DAAM2: variants seen among roughly 807,000 people sequenced by gnomAD.
The protein encoded by DAAM2 is dishevelled associated activator of morphogenesis 2, also known as disheveled-associated activator of morphogenesis 2.
A neutral mutation model predicts 120.7 loss-of-function variants in DAAM2; 39 were observed. The observed-to-expected ratio is 0.32, with a 90% CI of 0.25 to 0.42. The LOEUF (loss-of-function observed/expected upper bound fraction) is 0.42, where lower values mean the gene tolerates loss of function less well. DAAM2 is among the 10% of genes least tolerant of loss of function. DAAM2 has a pLI of 1.00. For missense variants in DAAM2, 1,283 were observed against 1,401.7 expected, an observed-to-expected ratio of 0.92 and a Z score of 1.35; for synonymous variants, 488 against 524.9, an observed-to-expected ratio of 0.93 and a Z score of 0.96.
chr6:39,868,701 AT>A, intron 6 of DAAM2, 121 bp from the exon 7 acceptor site: 1 of 709,144 alleles, frequency 1.4e-6, no homozygotes. Flanking sequence ...GACAGACCTG[AT>A]TGGGTGGAGA....
At chr6:39,814,630 C>G (rs1402026887) in intron 1 of DAAM2, among the ~76,000 whole-genome samples, 1 of 152,260 alleles carries the variant, frequency 6.6e-6, no homozygotes, top group African/African-American at 2.4e-5. Flanking sequence ...TCCTAGGCAG[C>G]TTCTAGTTCC....
chr6:39,895,418 T>C (rs1284905080), intron 19 of DAAM2, among the ~76,000 whole-genome samples: 1 of 151,988 alleles, frequency 6.6e-6, no homozygotes, highest in Non-Finnish European at 1.5e-5. Context: ...GTATTTTTAG[T>C]AGAGATGGGG....
chr6:39,863,919 A>G (rs964072165), intron 3 of DAAM2, among the ~76,000 whole-genome samples: 8 of 152,170 alleles, frequency 5.3e-5, no homozygotes, highest in Admixed American at 4.6e-4. Flanking sequence ...TAAAGTTACT[A>G]TTTAGTGAGT....
chr6:39,896,827 C>T lies in DAAM2; in HGVS notation c.2357C>T (p.Ser786Phe). The change falls in exon 20 of 25, where the codon TCC becomes TTC. Residue 786 changes from serine to phenylalanine, a missense_variant. Physicochemically the swap from Ser to Phe is radical, Grantham distance 155 (BLOSUM62 -2). Transcript: ENST00000274867. ...CCTCTCCCAGCCATCCTGTTGGCCTCCCGGGAGCTGGTCCGCAGCAAGCGT... is the reference window on the plus strand; with the variant it reads ...CCTCTCCCAGCCATCCTGTTGGCCTTCCGGGAGCTGGTCCGCAGCAAGCGT... The part of the protein sequence containing the change: ...KPKVEAILLA[S>F]RELVRSKRLR... 6.2e-7 allele frequency: 1 copy of T among 1,601,468 alleles called. No homozygotes were observed. Among genetic ancestry groups the T allele is most frequent in the South Asian group, 1.1e-5 (1 of 89,224 alleles).
chr6:39,886,230 T>G (rs1355994871), intron 15 of DAAM2: 1 of 394,738 alleles, frequency 2.5e-6, no homozygotes, highest in Non-Finnish European at 4.5e-6. Context: ...CGTGAGTGCA[T>G]GTCTGCTAGA....
In DAAM2 at chr6:39,864,439, G is replaced by C; in HGVS notation, c.265G>C (p.Glu89Gln). The C allele has an allele frequency of 6.2e-7, 1 of 1,612,920 alleles. No individual in the cohort carries two copies. The highest frequency in any genetic ancestry group is 8.5e-7 in the Non-Finnish European group (1 of 1,179,688). Residue 89 changes from glutamate to glutamine, a missense_variant, in exon 4 of 25, where the codon GAG (glutamate) becomes CAG (glutamine). Glu to Gln is a conservative substitution (Grantham distance 29). Around this residue, in one of 3 missense-constraint regions of DAAM2, gnomAD observed 197 missense variants for 189.3 expected, o/e 1.04. Transcript: ENST00000274867. ...GTCCTTTTTCTTGTTTCAGGAGCAG[G>C]AGGACCCCAACAAGCTGGCAACCAG... is the stretch of plus-strand genomic sequence containing the variant. ...QIYCSKKKEQ[E>Q]DPNKLATSWP...
intron 13 of DAAM2, among the ~76,000 whole-genome samples, 176 bp from the exon 14 acceptor site, chr6:39,879,002 G>A (rs537215870): frequency 1.2e-3 from 189 of 152,190 alleles, no homozygotes; most frequent in African/African-American, 3.6e-3. Flanking sequence ...GTGTGTTTGC[G>A]TGTGTTAGAT....
At chr6:39,896,102 A>G (rs1766069287) in intron 19 of DAAM2, among the ~76,000 whole-genome samples, 1 of 152,226 alleles carries the variant, frequency 6.6e-6, no homozygotes, top group African/African-American at 2.4e-5. Flanking sequence ...GCAATCCCAT[A>G]ATAGGTAAAA....
intron 1 of DAAM2, among the ~76,000 whole-genome samples, chr6:39,796,698 A>C (rs1430941254): frequency 6.6e-6 from 1 of 151,526 alleles, no homozygotes; most frequent in Non-Finnish European, 1.5e-5. Context: ...TCCTGGCCAA[A>C]GAGGAGCTGA....
intron 14 of DAAM2, among the ~76,000 whole-genome samples, chr6:39,883,044 G>A (rs1158120146): frequency 6.6e-6 from 1 of 152,196 alleles, no homozygotes. Flanking sequence ...GGTAGAGGAA[G>A]GCAGAGAGAT....
rs1766529194 is a variant in DAAM2 at position 39,902,096 on chromosome 6, G to C, written c.*59G>C. On this transcript the variant is annotated 3_prime_UTR_variant, in exon 25 of 25. Transcript: ENST00000274867. ...CAGGGACTGGTGAGAATGGGGCTGA[G>C]TGGAGGAGGTGGTGATATTTAAACC... 7.1e-6 allele frequency: 10 copies of C among 1,408,710 alleles called. No individual in the cohort carries two copies. The Admixed American group carries it at 2.0e-4, about 28-fold the overall frequency. 87.3% of individuals were successfully genotyped at this position (1,408,710 alleles called of 1,614,324 possible).
At chr6:39,846,072 G>A (rs975574817) in intron 1 of DAAM2, among the ~76,000 whole-genome samples, 13 of 151,876 alleles carry the variant, frequency 8.6e-5, no homozygotes, top group African/African-American at 1.2e-4. Context: ...CATCCAAGGC[G>A]TTTTAGAAAA....
intron 14 of DAAM2, among the ~76,000 whole-genome samples, chr6:39,882,575 T>C (rs1026801067): frequency 2.0e-5 from 3 of 152,052 alleles, no homozygotes; most frequent in African/African-American, 7.2e-5. Flanking sequence ...TGCACACTGC[T>C]TCAGCCAGCG....
At chr6:39,823,728 C>G (rs975601976) in intron 1 of DAAM2, among the ~76,000 whole-genome samples, 2 of 152,206 alleles carry the variant, frequency 1.3e-5, no homozygotes, top group African/African-American at 4.8e-5. Flanking sequence ...CCTCACCACC[C>G]TGGGGGCATC....
At chr6:39,871,623 G>GAGCGAT in intron 9 of DAAM2, 51 bp downstream of exon 9, 1 of 1,508,084 alleles carries the variant, frequency 6.6e-7, no homozygotes, top group Non-Finnish European at 9.0e-7. Flanking sequence ...AGGGTTCTTG[G>GAGCGAT]TGGCCCCACA....
In DAAM2 at chr6:39,904,383, A is replaced by C. The variant is rs368071871; in HGVS notation, c.*2346A>C. 3.8e-4 allele frequency: 172 copies of C among 456,444 alleles called. No homozygotes were observed. In the East Asian group the frequency reaches 8.7e-3, roughly 23 times the overall value. 28.3% of individuals were successfully genotyped at this position (456,444 alleles called of 1,614,324 possible). ...CCATGGACTCATACTCAACTGAGTA[A>C]GAAGGGGCTGGTGCCCAGTCGGGGT... On this transcript the variant is annotated 3_prime_UTR_variant, in exon 25 of 25. Coordinates refer to ENST00000274867, the MANE Select transcript of DAAM2 (RefSeq NM_001201427.2).
chr6:39,794,358 G>A (rs1025685990), intron 1 of DAAM2, among the ~76,000 whole-genome samples: 3 of 152,156 alleles, frequency 2.0e-5, no homozygotes, highest in East Asian at 3.9e-4. Flanking sequence ...AAACAACTGT[G>A]CTATTATTGT....
rs151122828 is a variant in DAAM2, at chr6:39,833,458, C to A, written c.-56-22789C>A. Among the ~76,000 whole-genome samples the A allele has an allele frequency of 5.0e-3, 764 of 152,210 alleles. 7 individuals carry two copies. The highest frequency in any genetic ancestry group is 0.024 in the Middle Eastern group (7 of 294). ...TGGCTGAGATTATGAGTGTGCACCA[C>A]CACACCTGGCTAAGTTTTTTCATAT... is the stretch of plus-strand genomic sequence containing the variant. On this transcript the variant is annotated intron_variant, in intron 1 of 24. Coordinates refer to ENST00000274867, the MANE Select transcript of DAAM2 (RefSeq NM_001201427.2).
At chr6:39,814,397 A>T (rs1311336055) in intron 1 of DAAM2, among the ~76,000 whole-genome samples, 1 of 151,992 alleles carries the variant, frequency 6.6e-6, no homozygotes, top group Non-Finnish European at 1.5e-5. Context: ...CTCCCCTTTG[A>T]CCTTGGCTTG....
Sources: gnomAD v4.1 joint callset for allele counts (sites outside exome capture counted in the v4.1 genomes callset) on GRCh38, gnomAD v4.1.1 for gene constraint, gnomAD v4.1.1 regional missense constraint, MANE v1.5 for transcripts, NCBI Gene and HGNC (gene_info 2026-07-23, HGNC 2026-07-21) for gene names.